Variants in SLC35F4 observed in about 807,000 individuals in gnomAD.
The protein encoded by SLC35F4 is solute carrier family 35 member F4.
SLC35F4 carries 24 observed loss-of-function variants against 44.2 expected under a neutral mutation model. That is an observed-to-expected ratio of 0.54 (90% CI 0.39 to 0.76). The LOEUF is 0.76. SLC35F4 is among the 30% of genes least tolerant of loss of function. SLC35F4 has a pLI of 0.00. For missense variants in SLC35F4, 562 were observed against 586.1 expected (o/e 0.96, Z 0.42); for synonymous variants, 238 against 223.6 (o/e 1.06, Z -0.57).
chr14:57,777,182 G>C (rs573314247), intron 1 of SLC35F4, among the ~76,000 whole-genome samples: 4,685 of 152,290 alleles, frequency 0.031, 246 homozygotes, highest in African/African-American at 0.11. Flanking sequence ...GTTGGTGCGA[G>C]TGTAAACTAG....
intron 4 of SLC35F4, among the ~76,000 whole-genome samples, chr14:57,572,320 C>T (rs977107283): frequency 6.6e-6 from 1 of 152,022 alleles, no homozygotes; most frequent in Non-Finnish European, 1.5e-5. Flanking sequence ...TTTCTAGGGA[C>T]TAACATTTGT....
At chr14:57,976,211 C>G (rs549823878), downstream of SLC35F4, among the ~76,000 whole-genome samples, 11 of 152,220 alleles carry the variant, frequency 7.2e-5, no homozygotes, top group African/African-American at 2.7e-4. Flanking sequence ...TAAACCTTCC[C>G]CAAAGGTACA....
intron 1 of SLC35F4, among the ~76,000 whole-genome samples, chr14:57,732,470 A>G (rs558617063): frequency 6.6e-6 from 1 of 152,352 alleles, no homozygotes; most frequent in African/African-American, 2.4e-5. Context: ...GGTTGATGGT[A>G]ATTAAGACAA....
chr14:57,575,562 C>G (rs1369609776), intron 4 of SLC35F4, among the ~76,000 whole-genome samples: 1 of 152,174 alleles, frequency 6.6e-6, no homozygotes, highest in Non-Finnish European at 1.5e-5. Flanking sequence ...ATGTTAGTAA[C>G]CATAGTGACC....
chr14:57,786,084 A>T (rs1409793990), intron 1 of SLC35F4, among the ~76,000 whole-genome samples: 1 of 152,092 alleles, frequency 6.6e-6, no homozygotes, highest in East Asian at 1.9e-4. Flanking sequence ...GGTAGGGCAC[A>T]GTGGGAGTGA....
chr14:57,713,572 A>G (rs8020764), intron 1 of SLC35F4, among the ~76,000 whole-genome samples: 7 of 152,178 alleles, frequency 4.6e-5, no homozygotes, highest in South Asian at 2.1e-4. Flanking sequence ...GTGCCAGAAC[A>G]AAACTGGGTA....
chr14:57,746,782 C>T (rs2076765717), intron 1 of SLC35F4, among the ~76,000 whole-genome samples: 2 of 152,096 alleles, frequency 1.3e-5, no homozygotes, highest in South Asian at 4.1e-4. Flanking sequence ...CAAGGGGTAG[C>T]TATTCTGCAA....
At chr14:57,789,096 A>T (rs959974224) in intron 1 of SLC35F4, among the ~76,000 whole-genome samples, 3 of 152,092 alleles carry the variant, frequency 2.0e-5, no homozygotes, top group Admixed American at 6.6e-5. Context: ...ATCACAATTA[A>T]AAGAACTAGA....
At chr14:57,870,245 T>C (rs1888268104), upstream of SLC35F4, among the ~76,000 whole-genome samples, 1 of 151,220 alleles carries the variant, frequency 6.6e-6, no homozygotes, top group Non-Finnish European at 1.5e-5. Flanking sequence ...TATCTCTCTG[T>C]ATGTTTCTCT....
At chr14:57,570,846 T>C (rs1254505806) in intron 5 of SLC35F4, among the ~76,000 whole-genome samples, 2 of 151,756 alleles carry the variant, frequency 1.3e-5, no homozygotes, top group Non-Finnish European at 2.9e-5. Context: ...CTGAACTAAT[T>C]TTTTTTTTCT....
At chr14:57,910,350 T>G (rs1386457237) in intron 1 of SLC35F4, among the ~76,000 whole-genome samples, 1 of 152,054 alleles carries the variant, frequency 6.6e-6, no homozygotes, top group Non-Finnish European at 1.5e-5. Context: ...ATACCTATGG[T>G]GTTGTACCTA....
At chr14:57,728,196 T>A (rs770293489) in intron 1 of SLC35F4, among the ~76,000 whole-genome samples, 4 of 152,176 alleles carry the variant, frequency 2.6e-5, no homozygotes, top group Non-Finnish European at 4.4e-5. Flanking sequence ...TAAATAAGTA[T>A]AACTACTCCT....
At chr14:57,586,888 T>C (rs1272288185) in intron 3 of SLC35F4, among the ~76,000 whole-genome samples, 7 of 150,398 alleles carry the variant, frequency 4.7e-5, no homozygotes, top group African/African-American at 1.7e-4. Flanking sequence ...GGGAAAAAAA[T>C]TTTGCAATCT....
In SLC35F4 at chr14:57,587,176, C is replaced by T. The variant is rs373420466; in HGVS notation, c.587+2040G>A. Among the ~76,000 whole-genome samples, 43 of 152,206 alleles carry T rather than the reference C, an allele frequency of 2.8e-4. No individual in the cohort carries two copies. In the South Asian group the frequency reaches 3.3e-3, roughly 12 times the overall value. The stretch of plus-strand genomic sequence containing the variant: ...GGAATGCTTCTACACTGTTGGTGGG[C>T]GTGTAAATTAGTTCAACCATTGTGG... On this transcript the variant is annotated intron_variant, in intron 3 of 7. Coordinates refer to ENST00000556826, the MANE Select transcript of SLC35F4 (RefSeq NM_001306087.2).
At chr14:57,649,466 G>A (rs76902577) in intron 1 of SLC35F4, among the ~76,000 whole-genome samples, 2 of 151,942 alleles carry the variant, frequency 1.3e-5, no homozygotes, top group African/African-American at 2.4e-5. Flanking sequence ...CCTCCTGCCT[G>A]CTTCTTATAA....
chr14:57,834,953 C>T (rs1277702282), intron 1 of SLC35F4, among the ~76,000 whole-genome samples: 1 of 152,172 alleles, frequency 6.6e-6, no homozygotes, highest in Non-Finnish European at 1.5e-5. Context: ...TGCTTGAACC[C>T]AGAAGGCAGA....
In SLC35F4 at chr14:57,790,558, GC is replaced by G. The variant is rs1254718694; in HGVS notation, c.103+75164del. 2.0e-5 allele frequency among the ~76,000 whole-genome samples: 3 copies of G among 152,238 alleles called. 1 individual carries two copies. The highest frequency in any genetic ancestry group is 4.1e-4 in the South Asian group (2 of 4,822). On this transcript the variant is annotated intron_variant, in intron 1 of 7. Coordinates refer to ENST00000556826, the MANE Select transcript of SLC35F4 (RefSeq NM_001306087.2). Reference sequence around the variant, plus strand: ...TCAATACTGTGAAAATGGCCATACTGCCCAAAGTAATTTACAGATTCGATGC... The same window carrying G: ...TCAATACTGTGAAAATGGCCATACTGCCAAAGTAATTTACAGATTCGATGC...
At chr14:57,780,293 G>C (rs1413124610) in intron 1 of SLC35F4, among the ~76,000 whole-genome samples, 1 of 151,966 alleles carries the variant, frequency 6.6e-6, no homozygotes, top group Non-Finnish European at 1.5e-5. Context: ...ACCAACAACA[G>C]CCAAGCCAAG....
chr14:57,706,699 A>C (rs543247462), intron 1 of SLC35F4, among the ~76,000 whole-genome samples: 1 of 152,298 alleles, frequency 6.6e-6, no homozygotes, highest in Admixed American at 6.5e-5. Flanking sequence ...GGGCGAAAGA[A>C]AGCTGGAACA....
Sources: gnomAD v4.1 joint callset for allele counts (sites outside exome capture counted in the v4.1 genomes callset) on GRCh38, gnomAD v4.1.1 for gene constraint, MANE v1.5 for transcripts, NCBI Gene and HGNC (gene_info 2026-07-23, HGNC 2026-07-21) for gene names.